The following THSD7B variants were observed in gnomAD, a reference collection of about 807,000 sequenced individuals.
THSD7B encodes thrombospondin type-1 domain-containing protein 7B.
THSD7B carries 138 observed loss-of-function variants against 213.6 expected under a neutral mutation model. The ratio of observed to expected loss-of-function variants is 0.65; its 90% CI spans 0.56 to 0.74. THSD7B has a LOEUF of 0.74. THSD7B is among the 30% of genes least tolerant of loss of function. The probability of loss-of-function intolerance (pLI) is 0.00; values close to 1 mark genes in which losing one functional copy is unlikely to be tolerated. For missense variants in THSD7B, 1,931 were observed against 1,991.5 expected, an observed-to-expected ratio of 0.97 and a Z score of 0.58; for synonymous variants, 742 against 687.0, an observed-to-expected ratio of 1.08 and a Z score of -1.25.
intron 14 of THSD7B, among the ~76,000 whole-genome samples, chr2:137,419,372 G>GTTTTTTTTTTTTTTTTTTTTT (rs1246056674): frequency 1.2e-5 from 1 of 81,386 alleles, no homozygotes; most frequent in Non-Finnish European, 3.4e-5. Context: ...TGGGTCCTGA[G>GTTTTTTTTTTTTTTTTTTTTT]TTCTTGTCCC....
chr2:136,882,062 A>G, intron 1 of THSD7B, 82 bp from the exon 2 acceptor site: 1 of 1,127,370 alleles, frequency 8.9e-7, no homozygotes, highest in Non-Finnish European at 1.2e-6. Context: ...ATACCATCAT[A>G]ATAAAGGTTC....
At chr2:137,131,161 G>C (rs1020792782) in intron 5 of THSD7B, among the ~76,000 whole-genome samples, 1 of 140,880 alleles carries the variant, frequency 7.1e-6, no homozygotes. Flanking sequence ...GTGTTTTTTG[G>C]CTGCATAAGT....
At chr2:137,448,803 C>T (rs1280298902) in intron 14 of THSD7B, among the ~76,000 whole-genome samples, 1 of 96,366 alleles carries the variant, frequency 1.0e-5, no homozygotes, top group African/African-American at 4.0e-5. Context: ...CATCTCAAAA[C>T]AACAACAACA....
intron 2 of THSD7B, among the ~76,000 whole-genome samples, chr2:136,946,879 T>A (rs373656088): frequency 1.9e-4 from 29 of 152,174 alleles, no homozygotes; most frequent in African/African-American, 6.5e-4. Context: ...TTTTTCCAGG[T>A]ACAGTCTGTC....
At chr2:137,506,118 G>C (rs1282777486) in intron 15 of THSD7B, among the ~76,000 whole-genome samples, 1 of 152,116 alleles carries the variant, frequency 6.6e-6, no homozygotes, top group Non-Finnish European at 1.5e-5. Context: ...GAGACAGGAG[G>C]CCAAGGCAAG....
At chr2:137,101,428 A>G (rs980251791) in intron 4 of THSD7B, among the ~76,000 whole-genome samples, 1 of 152,228 alleles carries the variant, frequency 6.6e-6, no homozygotes, top group African/African-American at 2.4e-5. Context: ...CAGATTCTCT[A>G]AGGAAGCTTT....
intron 18 of THSD7B, among the ~76,000 whole-genome samples, chr2:137,616,654 ATACTGTGATAG>A (rs1301432158): frequency 6.6e-6 from 1 of 152,242 alleles, no homozygotes; most frequent in East Asian, 1.9e-4. Context: ...GAATGTAATC[ATACTGTGATAG>A]AATTTGGCTC....
chr2:137,273,728 G>A (rs1001150480), intron 11 of THSD7B, among the ~76,000 whole-genome samples: 1 of 151,948 alleles, frequency 6.6e-6, no homozygotes, highest in Non-Finnish European at 1.5e-5. Flanking sequence ...CCAATTTTGG[G>A]AGGATGTAAA....
intron 14 of THSD7B, among the ~76,000 whole-genome samples, chr2:137,447,961 T>C (rs1687573806): frequency 6.6e-6 from 1 of 152,182 alleles, no homozygotes; most frequent in Non-Finnish European, 1.5e-5. Context: ...TGAGAATGCA[T>C]ACAGACACAT....
At chr2:137,150,242 C>CAAAAAA (rs34325279) in intron 5 of THSD7B, among the ~76,000 whole-genome samples, 13 of 129,360 alleles carry the variant, frequency 1.0e-4, no homozygotes, top group African/African-American at 3.7e-4. Flanking sequence ...AATTCTGTCT[C>CAAAAAA]AAAAAAAAAA....
intron 1 of THSD7B, among the ~76,000 whole-genome samples, chr2:136,858,722 A>G (rs1404780223): frequency 6.6e-6 from 1 of 152,226 alleles, no homozygotes; most frequent in Non-Finnish European, 1.5e-5. Flanking sequence ...TAATATTTCC[A>G]GGTGATCAGG....
intron 1 of THSD7B, among the ~76,000 whole-genome samples, chr2:136,792,077 G>A (rs759130029): frequency 1.6e-4 from 24 of 152,066 alleles, no homozygotes; most frequent in South Asian, 4.1e-4. Flanking sequence ...GTATGAAGTG[G>A]CATCTCATTG....
intron 1 of THSD7B, among the ~76,000 whole-genome samples, chr2:136,812,373 C>T (rs888587780): frequency 6.6e-6 from 1 of 152,084 alleles, no homozygotes; most frequent in African/African-American, 2.4e-5. Flanking sequence ...TTTAGTTGAC[C>T]TGAAGCTTGC....
chr2:137,220,243 GAA>G (rs3083552), intron 7 of THSD7B, among the ~76,000 whole-genome samples: 90,104 of 149,888 alleles, frequency 0.6, 27,220 homozygotes, highest in South Asian at 0.72. Flanking sequence ...TTAGAAAATG[GAA>G]AAAAAAAAGA....
chr2:136,985,471 T>C, intron 2 of THSD7B, among the ~76,000 whole-genome samples: 1 of 152,190 alleles, frequency 6.6e-6, no homozygotes, highest in East Asian at 1.9e-4. Context: ...TCAAAGCCAC[T>C]GTAAGCCTTG....
intron 1 of THSD7B, among the ~76,000 whole-genome samples, chr2:136,872,926 A>G (rs1054915552): frequency 6.7e-6 from 1 of 148,826 alleles, no homozygotes; most frequent in African/African-American, 2.5e-5. Context: ...ATAGGGTTGC[A>G]TAACTGCTAA....
intron 12 of THSD7B, among the ~76,000 whole-genome samples, chr2:137,320,860 T>A (rs1684250009): frequency 6.6e-6 from 1 of 152,178 alleles, no homozygotes; most frequent in Non-Finnish European, 1.5e-5. Flanking sequence ...TCAGATGGCA[T>A]TTTTTTCTCT....
intron 15 of THSD7B, among the ~76,000 whole-genome samples, chr2:137,533,121 A>G (rs1039238516): frequency 1.3e-5 from 2 of 151,678 alleles, no homozygotes; most frequent in Non-Finnish European, 3.0e-5. Flanking sequence ...AATATTAGAG[A>G]AGCCAAAATA....
At chr2:137,009,582 T>C (rs1165566407) in intron 2 of THSD7B, among the ~76,000 whole-genome samples, 2 of 152,004 alleles carry the variant, frequency 1.3e-5, no homozygotes, top group Admixed American at 1.3e-4. Context: ...ATAATCATGA[T>C]GGAAGGGGAA....
Sources: allele counts gnomAD v4.1 joint callset (sites outside exome capture counted in the v4.1 genomes callset), GRCh38; gene constraint gnomAD v4.1.1; transcripts MANE v1.5; gene names NCBI Gene and HGNC (gene_info 2026-07-23, HGNC 2026-07-21).